Variants in LINGO2 observed in about 807,000 individuals in gnomAD.
LINGO2 encodes the protein leucine-rich repeat and immunoglobulin-like domain-containing nogo receptor-interacting protein 2.
Under a neutral mutation model 30.6 loss-of-function variants are expected in LINGO2, and 14 were observed. That is an observed-to-expected ratio of 0.46 (90% CI 0.30 to 0.72). The LOEUF is 0.72. Among genes scored for constraint, LINGO2 ranks in the 30% least tolerant of loss-of-function variants. The pLI is 0.07. For missense variants in LINGO2, 729 were observed against 751.7 expected, an observed-to-expected ratio of 0.97 and a Z score of 0.35; for synonymous variants, 317 against 288.5, an observed-to-expected ratio of 1.10 and a Z score of -1.00.
At chr9:28,271,046 C>A (rs560355402) in intron 4 of LINGO2, among the ~76,000 whole-genome samples, 34 of 151,968 alleles carry the variant, frequency 2.2e-4, no homozygotes, top group African/African-American at 8.0e-4. Context: ...TCTTTCCTAT[C>A]ATCAGTTATT....
intron 2 of LINGO2, among the ~76,000 whole-genome samples, chr9:28,403,325 C>G (rs1417403250): frequency 6.6e-6 from 1 of 152,100 alleles, no homozygotes; most frequent in Admixed American, 6.6e-5. Flanking sequence ...TCCCGAGGCT[C>G]CCTCCCAGCT....
chr9:28,398,604 C>T (rs1321825648), intron 2 of LINGO2, among the ~76,000 whole-genome samples: 1 of 151,944 alleles, frequency 6.6e-6, no homozygotes, highest in Admixed American at 6.6e-5. Context: ...TTGGGGCCAA[C>T]AGTCTGTTAT....
the LINGO2 span, among the ~76,000 whole-genome samples, chr9:28,926,723 T>C: frequency 6.6e-6 from 1 of 152,254 alleles, no homozygotes; most frequent in Admixed American, 6.5e-5. Context: ...TTCTACTTCA[T>C]GCTCTATTTA....
At chr9:29,210,879 A>G in the LINGO2 span, among the ~76,000 whole-genome samples, 1 of 152,112 alleles carries the variant, frequency 6.6e-6, no homozygotes, top group Non-Finnish European at 1.5e-5. Context: ...TTTCTTCCTC[A>G]CACTCCAACT....
intron 1 of LINGO2, among the ~76,000 whole-genome samples, chr9:28,484,495 G>A (rs568420576): frequency 1.3e-5 from 2 of 152,162 alleles, no homozygotes; most frequent in Admixed American, 1.3e-4. Flanking sequence ...ACATCTTTCA[G>A]ACTCAACATC....
chr9:29,202,878 C>G, the LINGO2 span, among the ~76,000 whole-genome samples: 3 of 152,044 alleles, frequency 2.0e-5, no homozygotes, highest in Non-Finnish European at 2.9e-5. Context: ...TTCTTTTTAG[C>G]AGTCAACCAT....
At chr9:28,561,845 C>G (rs1469972831) in intron 1 of LINGO2, among the ~76,000 whole-genome samples, 1 of 148,928 alleles carries the variant, frequency 6.7e-6, no homozygotes, top group Non-Finnish European at 1.5e-5. Context: ...GCTTCACACT[C>G]CTACAGACAT....
At chr9:29,040,046 C>A in the LINGO2 span, among the ~76,000 whole-genome samples, 1 of 151,934 alleles carries the variant, frequency 6.6e-6, no homozygotes, top group African/African-American at 2.4e-5. Flanking sequence ...TTCTGAAATT[C>A]ATATCCTAGA....
chr9:28,059,645 C>T (rs891331173), intron 4 of LINGO2, among the ~76,000 whole-genome samples: 1 of 152,090 alleles, frequency 6.6e-6, no homozygotes, highest in African/African-American at 2.4e-5. Context: ...TTATCTCTAG[C>T]AACTTTTGTG....
intron 5 of LINGO2, among the ~76,000 whole-genome samples, chr9:27,978,564 G>T (rs1820713455): frequency 6.6e-6 from 1 of 151,998 alleles, no homozygotes; most frequent in Non-Finnish European, 1.5e-5. Flanking sequence ...TGTGAACCAG[G>T]AAGTGGGCCT....
chr9:28,833,063 T>A, the LINGO2 span, among the ~76,000 whole-genome samples: 5 of 152,112 alleles, frequency 3.3e-5, no homozygotes, highest in African/African-American at 1.2e-4. Context: ...ATCTTATAGT[T>A]TTATATTTAT....
intron 3 of LINGO2, among the ~76,000 whole-genome samples, chr9:28,350,657 G>T (rs1166920891): frequency 6.6e-6 from 1 of 151,618 alleles, no homozygotes; most frequent in Admixed American, 6.6e-5. Flanking sequence ...GACCTAATAG[G>T]CATCTACAGA....
At chr9:28,919,576 A>G in the LINGO2 span, among the ~76,000 whole-genome samples, 2 of 152,132 alleles carry the variant, frequency 1.3e-5, no homozygotes, top group African/African-American at 2.4e-5. Context: ...AATGACCACA[A>G]TCAGAAATCA....
intron 1 of LINGO2, among the ~76,000 whole-genome samples, chr9:28,579,786 G>T (rs1192405418): frequency 6.6e-6 from 1 of 151,988 alleles, no homozygotes; most frequent in Admixed American, 6.6e-5. Context: ...TCCTTTTCCA[G>T]AAATAATGAT....
the LINGO2 span, among the ~76,000 whole-genome samples, chr9:28,908,889 T>C: frequency 6.6e-6 from 1 of 151,920 alleles, no homozygotes; most frequent in African/African-American, 2.4e-5. Flanking sequence ...TATATCATGA[T>C]GTATATGATT....
the LINGO2 span, among the ~76,000 whole-genome samples, chr9:28,810,690 T>G: frequency 6.6e-6 from 1 of 152,184 alleles, no homozygotes; most frequent in African/African-American, 2.4e-5. Context: ...CCCAGAAGTC[T>G]AGACTGTTGA....
the LINGO2 span, among the ~76,000 whole-genome samples, chr9:28,727,296 T>C: frequency 2.0e-5 from 3 of 152,006 alleles, no homozygotes; most frequent in African/African-American, 7.3e-5. Context: ...CTTCTTTTTT[T>C]TTTTTCTGAA....
intron 1 of LINGO2, among the ~76,000 whole-genome samples, chr9:28,639,322 G>C (rs1827451265): frequency 6.6e-6 from 1 of 152,162 alleles, no homozygotes; most frequent in Non-Finnish European, 1.5e-5. Context: ...GAGTTCTGTA[G>C]ATGTCTATTA....
At chr9:27,938,397 T>A in the LINGO2 span, 1 of 152,172 alleles carries the variant, frequency 6.6e-6, no homozygotes, top group Non-Finnish European at 1.5e-5. Context: ...TACCATTTCC[T>A]CATGCTTTTC....
Sources: gnomAD v4.1 joint callset for allele counts (sites outside exome capture counted in the v4.1 genomes callset) on GRCh38, gnomAD v4.1.1 for gene constraint, MANE v1.5 for transcripts, NCBI Gene and HGNC (gene_info 2026-07-23, HGNC 2026-07-21) for gene names.